NCAM2: variants seen among roughly 807,000 people sequenced by gnomAD.
NCAM2 encodes the protein neural cell adhesion molecule 2, also known as N-CAM-2.
NCAM2 carries 30 observed loss-of-function variants against 98.1 expected under a neutral mutation model. The observed-to-expected ratio is 0.31, with a 90% confidence interval of 0.23 to 0.41. The LOEUF (loss-of-function observed/expected upper bound fraction) is 0.41. NCAM2 is among the 10% of genes least tolerant of loss of function. The pLI is 1.00. For synonymous variants in NCAM2, 368 were observed against 342.4 expected (o/e 1.07, Z -0.83); for missense variants, 867 against 1,005.8 (o/e 0.86, Z 1.87).
intron 11 of NCAM2, among the ~76,000 whole-genome samples, chr21:21,426,550 C>T (rs773170408): frequency 7.2e-5 from 11 of 152,088 alleles, no homozygotes; most frequent in Admixed American, 1.3e-4. Flanking sequence ...ATAGCATAAG[C>T]GTGGTCCACA....
At chr21:21,353,656 C>A (rs1299038355) in intron 8 of NCAM2, among the ~76,000 whole-genome samples, 1 of 152,132 alleles carries the variant, frequency 6.6e-6, no homozygotes, top group South Asian at 2.1e-4. Context: ...TCATCTTTTT[C>A]TTCCCTTTCT....
At chr21:21,271,500 T>C (rs2072497294) in intron 1 of NCAM2, among the ~76,000 whole-genome samples, 1 of 152,236 alleles carries the variant, frequency 6.6e-6, no homozygotes, top group Admixed American at 6.5e-5. Flanking sequence ...ATCATGCCTT[T>C]AAACTTTCTT....
intron 1 of NCAM2, among the ~76,000 whole-genome samples, chr21:21,134,806 T>G (rs1054062817): frequency 6.6e-6 from 1 of 151,384 alleles, no homozygotes; most frequent in Admixed American, 6.6e-5. Flanking sequence ...CTCAAGCTCC[T>G]GGGCTCAAGG....
At chr21:21,070,857 A>G (rs1018439948) in intron 1 of NCAM2, among the ~76,000 whole-genome samples, 2 of 152,194 alleles carry the variant, frequency 1.3e-5, no homozygotes, top group East Asian at 3.9e-4. Context: ...TCCAATAAAT[A>G]TTGTGAGAGG....
chr21:21,386,477 A>G (rs1162301665), intron 9 of NCAM2, among the ~76,000 whole-genome samples: 2 of 152,294 alleles, frequency 1.3e-5, no homozygotes, highest in East Asian at 1.9e-4. Flanking sequence ...TATGTCCAGT[A>G]TGGTAATTTC....
intron 1 of NCAM2, among the ~76,000 whole-genome samples, chr21:21,176,412 A>G (rs1394342859): frequency 6.6e-6 from 1 of 152,178 alleles, no homozygotes; most frequent in Non-Finnish European, 1.5e-5. Context: ...ATGGATAATC[A>G]TAACTGCATT....
intron 1 of NCAM2, among the ~76,000 whole-genome samples, chr21:21,256,087 G>C (rs1379281200): frequency 6.6e-6 from 1 of 152,208 alleles, no homozygotes; most frequent in African/African-American, 2.4e-5. Context: ...GGGCGCAGTG[G>C]CTCACGCCTG....
At chr21:21,133,130 TTTAA>T (rs2066970541) in intron 1 of NCAM2, among the ~76,000 whole-genome samples, 1 of 152,226 alleles carries the variant, frequency 6.6e-6, no homozygotes, top group Non-Finnish European at 1.5e-5. Context: ...ATTCCATTGC[TTTAA>T]TTTATTATGC....
intron 5 of NCAM2, among the ~76,000 whole-genome samples, chr21:21,306,734 A>G (rs1179137072): frequency 6.6e-6 from 1 of 152,090 alleles, no homozygotes; most frequent in Non-Finnish European, 1.5e-5. Context: ...AAAATGTGCA[A>G]TTGCATTGTT....
chr21:21,023,406 C>A (rs1158836676), intron 1 of NCAM2, among the ~76,000 whole-genome samples: 2 of 151,796 alleles, frequency 1.3e-5, no homozygotes, highest in Non-Finnish European at 2.9e-5. Flanking sequence ...CACCTGTAAT[C>A]CCAGCCACTC....
intron 1 of NCAM2, among the ~76,000 whole-genome samples, chr21:21,108,402 T>G (rs1434394404): frequency 1.3e-5 from 2 of 152,072 alleles, no homozygotes; most frequent in Non-Finnish European, 2.9e-5. Flanking sequence ...TGACGGCACT[T>G]TCAATTTTGA....
At chr21:21,136,524 C>T (rs567682341) in intron 1 of NCAM2, among the ~76,000 whole-genome samples, 8 of 150,716 alleles carry the variant, frequency 5.3e-5, no homozygotes, top group East Asian at 3.9e-4. Context: ...TGCAGTGGTG[C>T]GATCTCCACT....
Position 21,357,023 on chromosome 21 carries a change from A to AAATAAATAAATAAATAAATG in NCAM2, c.1045-16837_1045-16836insAAATAAATAAATAAATGAAT, listed in dbSNP as rs548233793. The stretch of plus-strand genomic sequence containing the variant: ...TAAATAAATAAATAAATAAATAAAT[A>AAATAAATAAATAAATAAATG]AATGTTTCTTGCTTCATGGTCCATG... On this transcript the variant is annotated intron_variant, in intron 8 of 17. Transcript: ENST00000400546. 3.5e-4 allele frequency among the ~76,000 whole-genome samples: 52 copies of AAATAAATAAATAAATAAATG among 146,704 alleles called. 1 individual carries two copies. Among genetic ancestry groups the AAATAAATAAATAAATAAATG allele is most frequent in the African/African-American group, 1.3e-3 (52 of 40,498 alleles).
At chr21:21,447,183 G>A (rs1411233022) in intron 12 of NCAM2, among the ~76,000 whole-genome samples, 1 of 152,098 alleles carries the variant, frequency 6.6e-6, no homozygotes, top group Admixed American at 6.6e-5. Flanking sequence ...AAAACAGCAT[G>A]TTACTGGTAT....
intron 15 of NCAM2, among the ~76,000 whole-genome samples, chr21:21,494,247 ATGAAC>A (rs1256984172): frequency 2.0e-5 from 3 of 151,938 alleles, no homozygotes; most frequent in African/African-American, 7.2e-5. Flanking sequence ...ATTATAAAAT[ATGAAC>A]TGAAGTATAA....
rs763976559 is a variant in NCAM2 at position 21,286,311 on chromosome 21, A to G, written c.380A>G (p.Lys127Arg). 1.3e-5 allele frequency: 21 copies of G among 1,611,802 alleles called. No individual in the cohort carries two copies. Among genetic ancestry groups the G allele is most frequent in the Non-Finnish European group, 1.7e-5 (20 of 1,178,820 alleles). ...GAAGTGGTATCTCCACAAGAATTCA[A>G]ACAAGGAGAAGATGCAGAAGTGGTT... is the stretch of plus-strand genomic sequence containing the variant. ...FREVVSPQEF[K>R]QGEDAEVVCR... is the part of the protein sequence containing the mutation. The change falls in exon 4 of 18, where the codon AAA becomes AGA. Residue 127 changes from lysine (K) to arginine (R), a missense_variant. Physicochemically the swap from Lys to Arg is conservative, Grantham distance 26. Coordinates refer to ENST00000400546, the MANE Select transcript of NCAM2 (RefSeq NM_004540.5).
intron 1 of NCAM2, among the ~76,000 whole-genome samples, chr21:21,254,754 G>A (rs1048296184): frequency 2.6e-5 from 4 of 152,040 alleles, no homozygotes; most frequent in African/African-American, 9.7e-5. Flanking sequence ...AGTATGTGTA[G>A]GGGTGTTAGA....
chr21:21,094,384 A>G (rs1022972420), intron 1 of NCAM2, among the ~76,000 whole-genome samples: 1 of 151,884 alleles, frequency 6.6e-6, no homozygotes, highest in Non-Finnish European at 1.5e-5. Context: ...AGTATGCCCT[A>G]AAACATCCTT....
At chr21:21,152,682 C>T (rs909989811) in intron 1 of NCAM2, among the ~76,000 whole-genome samples, 1 of 152,054 alleles carries the variant, frequency 6.6e-6, no homozygotes, top group Non-Finnish European at 1.5e-5. Flanking sequence ...ATTCCAGTTA[C>T]TCAACAAATC....
Sources: allele counts gnomAD v4.1 joint callset (sites outside exome capture counted in the v4.1 genomes callset), GRCh38; gene constraint gnomAD v4.1.1; transcripts MANE v1.5; gene names NCBI Gene and HGNC (gene_info 2026-07-23, HGNC 2026-07-21).